ST3GAL5: variants seen among roughly 807,000 people sequenced by gnomAD.
ST3GAL5 encodes ST3 beta-galactoside alpha-2,3-sialyltransferase 5, also known as lactosylceramide alpha-2,3-sialyltransferase.
Under a neutral mutation model 46.1 loss-of-function variants are expected in ST3GAL5, and 25 were observed. That is an observed-to-expected ratio of 0.54 (90% confidence interval 0.40 to 0.76). The LOEUF (loss-of-function observed/expected upper bound fraction) is 0.76. Among genes scored for constraint, ST3GAL5 ranks in the 30% least tolerant of loss-of-function variants. The probability of loss-of-function intolerance (pLI) is 0.00; values close to 1 mark genes in which losing one functional copy is unlikely to be tolerated. For synonymous variants in ST3GAL5, 182 were observed against 192.7 expected (o/e 0.94, Z 0.46); for missense variants, 431 against 521.2 (o/e 0.83, Z 1.69).
intron 1 of ST3GAL5, among the ~76,000 whole-genome samples, chr2:85,870,803 C>A (rs951868104): frequency 1.3e-5 from 2 of 151,774 alleles, no homozygotes; most frequent in Admixed American, 1.3e-4. Context: ...AAACCTCCCA[C>A]GTAGCTGGGA....
At chr2:85,842,746 T>C (rs1682291741) in intron 6 of ST3GAL5, among the ~76,000 whole-genome samples, 1 of 152,032 alleles carries the variant, frequency 6.6e-6, no homozygotes, top group Non-Finnish European at 1.5e-5. Context: ...ACTTTTATTG[T>C]TAAAGTGTTC....
chr2:85,846,401 T>C lies in ST3GAL5; in HGVS notation c.825A>G (p.Gln275=). 1 of 1,614,158 alleles carries C rather than the reference T, an allele frequency of 6.2e-7. No homozygotes were observed. Among genetic ancestry groups the C allele is most frequent in the Non-Finnish European group, 8.5e-7 (1 of 1,180,018 alleles). ...LFKSVDFNWL[Q]AMVKKETLPF... ...CCAGGGTTTCCTTTTTTACCATTGCTTGAAGCCAGTTGAAATCAACACTCT... is the reference window on the plus strand; with the variant it reads ...CCAGGGTTTCCTTTTTTACCATTGCCTGAAGCCAGTTGAAATCAACACTCT... The change falls in exon 5 of 7, where the codon CAA becomes CAG. Residue 275 remains glutamine, a synonymous_variant. Coordinates refer to ENST00000638572, the MANE Select transcript of ST3GAL5 (RefSeq NM_003896.4).
At chr2:85,848,285 A>G (rs1488391912) in intron 3 of ST3GAL5, 81 bp from the exon 4 acceptor site, 16 of 1,612,052 alleles carry the variant, frequency 9.9e-6, no homozygotes, top group African/African-American at 4.0e-5. Flanking sequence ...AATTTGTCCT[A>G]TGATGTCTGA....
chr2:85,838,343 C>T lies in ST3GAL5; in HGVS notation c.*1801G>A, dbSNP rs1681650935. On this transcript the variant is annotated 3_prime_UTR_variant, in exon 7 of 7. Coordinates refer to ENST00000638572, the MANE Select transcript of ST3GAL5 (RefSeq NM_003896.4). ...CATACCAGCAAGGAGGCGCTCGTAG[C>T]ATTAAGAACGTTGTCTGAGGAAGTT... is the stretch of plus-strand genomic sequence containing the variant. 6.6e-6 allele frequency: 1 copy of T among 152,092 alleles called. No individual in the cohort carries two copies. The highest frequency in any genetic ancestry group is 2.4e-5 in the African/African-American group (1 of 41,402). 9.4% of individuals were successfully genotyped at this position (152,092 alleles called of 1,614,324 possible).
intron 3 of ST3GAL5, among the ~76,000 whole-genome samples, chr2:85,859,658 CTTCAT>C (rs1684518851): frequency 6.6e-6 from 1 of 152,220 alleles, no homozygotes; most frequent in Middle Eastern, 3.4e-3. Context: ...TAACTGAGCT[CTTCAT>C]TTATTTGTTT....
intron 1 of ST3GAL5, among the ~76,000 whole-genome samples, chr2:85,871,312 A>G (rs1275964813): frequency 1.3e-5 from 2 of 152,222 alleles, no homozygotes; most frequent in Non-Finnish European, 2.9e-5. Context: ...ACTTTGAATT[A>G]CACAACAAAT....
chr2:85,847,293 C>T (rs997222681), intron 4 of ST3GAL5: 2 of 876,144 alleles, frequency 2.3e-6, no homozygotes, highest in Non-Finnish European at 2.7e-6. Context: ...TCTTCTTGCC[C>T]CTGTCTGGGA....
intron 2 of ST3GAL5, among the ~76,000 whole-genome samples, chr2:85,862,413 A>T (rs1053671613): frequency 7.2e-5 from 11 of 152,192 alleles, no homozygotes; most frequent in Admixed American, 6.5e-4. Flanking sequence ...TGAATTTTCA[A>T]TCTTGAAAAC....
intron 1 of ST3GAL5, 96 bp downstream of exon 1, chr2:85,888,728 A>G (rs1435157322): frequency 7.0e-6 from 7 of 998,602 alleles, no homozygotes; most frequent in Non-Finnish European, 8.8e-6. Flanking sequence ...CGAGGCGGAA[A>G]CGCCGCGCCC....
intron 1 of ST3GAL5, among the ~76,000 whole-genome samples, chr2:85,873,861 C>G (rs1686222070): frequency 6.6e-6 from 1 of 152,156 alleles, no homozygotes; most frequent in Non-Finnish European, 1.5e-5. Context: ...CCAGAATGTC[C>G]CCCCTGGTGG....
chr2:85,875,543 C>T (rs1449025412), intron 1 of ST3GAL5: 1 of 152,152 alleles, frequency 6.6e-6, no homozygotes, highest in Non-Finnish European at 1.5e-5. Context: ...GATTCTCACT[C>T]ATCTACATTT....
chr2:85,864,598 A>G (rs997926536), intron 1 of ST3GAL5, among the ~76,000 whole-genome samples: 5 of 151,916 alleles, frequency 3.3e-5, no homozygotes, highest in African/African-American at 1.2e-4. Context: ...AAAAAAAAGA[A>G]AAAGAGAGAA....
chr2:85,856,230 T>A (rs1210173530), intron 3 of ST3GAL5: 1 of 152,162 alleles, frequency 6.6e-6, no homozygotes, highest in African/African-American at 2.4e-5. Flanking sequence ...ATGAGGTATA[T>A]CCATACAATG....
At chr2:85,860,423 G>A (rs928920614) in intron 3 of ST3GAL5, among the ~76,000 whole-genome samples, 11 of 152,214 alleles carry the variant, frequency 7.2e-5, no homozygotes, top group African/African-American at 2.6e-4. Flanking sequence ...TGGGCTAAAT[G>A]TTATCAGATA....
chr2:85,881,442 T>C (rs1317296175), intron 1 of ST3GAL5, among the ~76,000 whole-genome samples: 1 of 152,230 alleles, frequency 6.6e-6, no homozygotes. Flanking sequence ...TGGGAAAGTT[T>C]GGAATTTTCT....
intron 1 of ST3GAL5, among the ~76,000 whole-genome samples, chr2:85,886,428 C>T (rs1316063807): frequency 2.6e-5 from 4 of 152,164 alleles, no homozygotes; most frequent in East Asian, 1.9e-4. Context: ...CCCAGGGTCC[C>T]GGCCAGTTCT....
At chr2:85,846,826 A>G (rs941914082) in intron 4 of ST3GAL5, 3 of 399,660 alleles carry the variant, frequency 7.5e-6, no homozygotes, top group African/African-American at 4.0e-5. Context: ...CAATCTAAGC[A>G]TATTACATTT....
At chr2:85,885,796 G>T (rs562960933) in intron 1 of ST3GAL5, among the ~76,000 whole-genome samples, 1 of 150,760 alleles carries the variant, frequency 6.6e-6, no homozygotes, top group Admixed American at 6.6e-5. Flanking sequence ...CTGCACTCCA[G>T]CCTGGGCGAC....
chr2:85,847,505 CT>C (rs1188854846), intron 4 of ST3GAL5: 1 of 1,054,262 alleles, frequency 9.5e-7, no homozygotes, highest in Non-Finnish European at 1.1e-6. Context: ...CTGTGAAGAG[CT>C]TCCTGTGTCC....
Sources: allele counts gnomAD v4.1 joint callset (sites outside exome capture counted in the v4.1 genomes callset), GRCh38; gene constraint gnomAD v4.1.1; transcripts MANE v1.5; gene names NCBI Gene and HGNC (gene_info 2026-07-23, HGNC 2026-07-21).